XPO5: variants seen among roughly 807,000 people sequenced by gnomAD.
XPO5 encodes the protein exportin 5, also known as exportin-5.
In XPO5, 46 loss-of-function variants were observed where a neutral mutation model predicts 160.6. The observed-to-expected ratio is 0.29, with a 90% CI of 0.23 to 0.37. The LOEUF (loss-of-function observed/expected upper bound fraction) is 0.37, where lower values mean the gene tolerates loss of function less well. Among genes scored for constraint, XPO5 ranks in the 10% least tolerant of loss-of-function variants. The probability of loss-of-function intolerance (pLI) is 1.00; values close to 1 mark genes in which losing one functional copy is unlikely to be tolerated. For missense variants in XPO5, 1,090 were observed against 1,463.9 expected, an observed-to-expected ratio of 0.74 and a Z score of 4.17; for synonymous variants, 537 against 519.3, an observed-to-expected ratio of 1.03 and a Z score of -0.46.
At position 43,555,872 on chromosome 6, in the gene XPO5, G is replaced by C. The variant is rs1294565068; in HGVS notation, c.1405C>G (p.Gln469Glu). 1 of 1,613,944 alleles carries C rather than the reference G, an allele frequency of 6.2e-7. No individual in the cohort carries two copies. Among genetic ancestry groups the C allele is most frequent in the Non-Finnish European group, 8.5e-7 (1 of 1,179,880 alleles). Residue 469 changes from glutamine (Q) to glutamate (E), a missense_variant, in exon 13 of 32, where the codon CAA becomes GAA. Gln to Glu is a conservative substitution (Grantham distance 29). Around this residue, in one of 3 missense-constraint regions of XPO5, gnomAD observed 810 missense variants for 1,139.0 expected, o/e 0.71. Transcript: ENST00000265351. ...FQMAGEWLKYQLSTFLDAGSV... is the reference protein window; with the variant it reads ...FQMAGEWLKYELSTFLDAGSV... ...CCAGCATCAAGAAAAGTTGATAGTTGATACTTTAGCCACTCCCCAGCCATC... is the reference window on the plus strand; with the variant it reads ...CCAGCATCAAGAAAAGTTGATAGTTCATACTTTAGCCACTCCCCAGCCATC...
chr6:43,568,905 AG>A (rs1762843256), intron 5 of XPO5, among the ~76,000 whole-genome samples, 168 bp from the exon 6 acceptor site: 1 of 152,266 alleles, frequency 6.6e-6, no homozygotes, highest in East Asian at 1.9e-4. Flanking sequence ...ATATTCCCCT[AG>A]GGAGAACAAG....
At chr6:43,554,674 C>T (rs1435432613) in intron 13 of XPO5, among the ~76,000 whole-genome samples, 10 of 152,096 alleles carry the variant, frequency 6.6e-5, no homozygotes, top group African/African-American at 2.2e-4. Context: ...TCCCCAGCCT[C>T]GGCCTCCTGA....
At chr6:43,538,626 C>T (rs1189322634) in intron 20 of XPO5, among the ~76,000 whole-genome samples, 1 of 152,090 alleles carries the variant, frequency 6.6e-6, no homozygotes, top group East Asian at 1.9e-4. Context: ...ATTACTAGCT[C>T]CATATTGCTT....
rs766940966 is a variant in XPO5, at chr6:43,524,493, C to T, written c.3455G>A (p.Arg1152His). The part of the protein sequence containing the change: ...ADKRRKDQFK[R>H]LIAGCIGKPL... ...TACCCCAATGCAACCAGCAATGAGG[C>T]GTTTGAATTGGTCCTTTCGGCGCTT... The change falls in exon 31 of 32, where the codon CGC (arginine) becomes CAC (histidine). Residue 1152 changes from arginine (R) to histidine (H), a missense_variant. Coordinates refer to ENST00000265351, the MANE Select transcript of XPO5 (RefSeq NM_020750.3). 4.3e-6 allele frequency: 7 copies of T among 1,613,668 alleles called. No homozygotes were observed. The highest frequency in any genetic ancestry group is 3.3e-5 in the Admixed American group (2 of 60,014).
At chr6:43,565,377 G>C (rs935474655) in intron 8 of XPO5, among the ~76,000 whole-genome samples, 2 of 151,810 alleles carry the variant, frequency 1.3e-5, no homozygotes, top group African/African-American at 2.4e-5. Flanking sequence ...GACCAGAGCG[G>C]TCAGCACGGC....
At chr6:43,554,028 C>A (rs1007815972) in intron 13 of XPO5, among the ~76,000 whole-genome samples, 23 of 152,184 alleles carry the variant, frequency 1.5e-4, no homozygotes, top group African/African-American at 5.1e-4. Flanking sequence ...GAGAAGGGTG[C>A]CATCCTTCAA....
chr6:43,526,017 T>C (rs1793564926), intron 27 of XPO5, 96 bp from the exon 28 acceptor site: 2 of 1,404,540 alleles, frequency 1.4e-6, no homozygotes, highest in Non-Finnish European at 2.0e-6. Context: ...CAAAGCTGAG[T>C]GTTCTAGGCT....
At chr6:43,570,083 C>T (rs140474744) in intron 5 of XPO5, among the ~76,000 whole-genome samples, 3,646 of 133,762 alleles carry the variant, frequency 0.027, 142 homozygotes, top group African/African-American at 0.095. Context: ...CTTTGGGAGG[C>T]GGGCGGATCA....
chr6:43,529,045 C>T lies in XPO5; in HGVS notation c.2678-120G>A, dbSNP rs556992692. On this transcript the variant is annotated intron_variant, in intron 23 of 31. Coordinates refer to ENST00000265351, the MANE Select transcript of XPO5 (RefSeq NM_020750.3). ...GGATTTGCCAGATGTCAAAAATATC[C>T]TGTGTTAACAGTGAAAAAATCTTAA... is the stretch of plus-strand genomic sequence containing the variant. 1.6e-4 allele frequency: 183 copies of T among 1,129,774 alleles called. 1 individual carries two copies. The South Asian group carries it at 2.7e-3, about 16-fold the overall frequency. The allele number at this position is 1,129,774 out of a possible 1,614,324, so 70.0% of individuals were successfully genotyped here.
In XPO5 at chr6:43,564,637, CTG is replaced by C. The variant is rs1401312620; in HGVS notation, c.911+1021_911+1022del. 2.0e-5 allele frequency among the ~76,000 whole-genome samples: 3 copies of C among 152,204 alleles called. No individual in the cohort carries two copies. In the East Asian group the frequency reaches 5.8e-4, roughly 29 times the overall value. ...TATTTTTTTGAGACAAGGTCTCAGT[CTG>C]TTGCCCAGGCTGGAGTGTAGTGGCA... is the stretch of plus-strand genomic sequence containing the variant. On this transcript the variant is annotated intron_variant, in intron 8 of 31. Coordinates refer to ENST00000265351, the MANE Select transcript of XPO5 (RefSeq NM_020750.3).
intron 1 of XPO5, among the ~76,000 whole-genome samples, chr6:43,573,850 G>C (rs1763145764): frequency 1.4e-5 from 2 of 141,728 alleles, no homozygotes; most frequent in African/African-American, 2.6e-5. Context: ...TTGAGACGGA[G>C]TCTCACTCTG....
intron 12 of XPO5, 162 bp from the exon 13 acceptor site, chr6:43,556,126 C>A: frequency 1.1e-6 from 1 of 938,726 alleles, no homozygotes; most frequent in Non-Finnish European, 1.5e-6. Context: ...ACTTTATTAA[C>A]GAATCCAGAA....
intron 11 of XPO5, among the ~76,000 whole-genome samples, chr6:43,559,726 A>G (rs1172983049): frequency 6.6e-6 from 1 of 152,262 alleles, no homozygotes; most frequent in Non-Finnish European, 1.5e-5. Context: ...AATAACCAGT[A>G]AGGACTGATT....
chr6:43,530,122 T>C (rs1793871488), intron 23 of XPO5, among the ~76,000 whole-genome samples: 1 of 152,038 alleles, frequency 6.6e-6, no homozygotes, highest in Admixed American at 6.6e-5. Context: ...CTGGGCGTAG[T>C]AGCATGCGCC....
rs1028977830 is a variant in XPO5 at position 43,539,571 on chromosome 6, C to A, written c.2343-5564G>T. 1.9e-4 allele frequency: 256 copies of A among 1,367,292 alleles called. 1 individual carries two copies. Among genetic ancestry groups the A allele is most frequent in the Admixed American group, 2.5e-4 (14 of 56,978 alleles). 84.7% of individuals were successfully genotyped at this position (1,367,292 alleles called of 1,614,324 possible). A position where few individuals can be genotyped will look rare whatever the true frequency, so the allele number is the denominator to read the frequency against. ...CCTCCGCGAGCTCCGCGGCCTCAGC[C>A]CCGGCCCGGTCCACGGCTGCGACCC... On this transcript the variant is annotated intron_variant, in intron 20 of 31. Transcript: ENST00000265351.
At position 43,522,865 on chromosome 6, in the gene XPO5, G is replaced by T; in HGVS notation, c.*1003C>A. 4.1e-6 allele frequency: 1 copy of T among 245,744 alleles called. No individual in the cohort carries two copies. 15.2% of individuals were successfully genotyped at this position (245,744 alleles called of 1,614,324 possible). ...TCCTCTCTTTACAGGGCCTTTCAGT[G>T]ACCTCTAGAATGGACTCACAGTACA... On this transcript the variant is annotated 3_prime_UTR_variant, in exon 32 of 32. Transcript: ENST00000265351.
chr6:43,561,141 G>A, intron 9 of XPO5, 134 bp from the exon 10 acceptor site: 1 of 701,166 alleles, frequency 1.4e-6, no homozygotes, highest in South Asian at 1.9e-5. Context: ...TTTCCTTTTG[G>A]CTAAAGAAAG....
rs542280349 is a variant in XPO5 at position 43,546,684 on chromosome 6, C to T, written c.2229G>A (p.Glu743=). 4 of 1,613,438 alleles carry T rather than the reference C, an allele frequency of 2.5e-6. No individual in the cohort carries two copies. The highest frequency in any genetic ancestry group is 1.3e-5 in the African/African-American group (1 of 74,974). ...CCACCACAAATCCCCCAGCTTTGGCCTCTTCTAGGTCAGTGGGCCAGCAAG... is the reference window on the plus strand; with the variant it reads ...CCACCACAAATCCCCCAGCTTTGGCTTCTTCTAGGTCAGTGGGCCAGCAAG... The part of the protein sequence containing the change: ...KRTCWPTDLE[E]AKAGGFVVGY... The change falls in exon 20 of 32, where the codon GAG becomes GAA. Residue 743 remains glutamate (E), a synonymous_variant. Transcript: ENST00000265351.
At chr6:43,527,599 A>G in intron 26 of XPO5, 35 bp downstream of exon 26, 1 of 1,609,210 alleles carries the variant, frequency 6.2e-7, no homozygotes, top group Non-Finnish European at 8.5e-7. Context: ...TTCCAGGAAA[A>G]TCCTCTATAG....
Sources: allele counts gnomAD v4.1 joint callset (sites outside exome capture counted in the v4.1 genomes callset), GRCh38; gene constraint gnomAD v4.1.1; regional missense constraint gnomAD v4.1.1; transcripts MANE v1.5; gene names NCBI Gene and HGNC (gene_info 2026-07-23, HGNC 2026-07-21).